CLIP1: variants seen among roughly 807,000 people sequenced by gnomAD.
The protein encoded by CLIP1 is CAP-Gly domain containing linker protein 1, also known as CAP-Gly domain-containing linker protein 1.
Under a neutral mutation model 161.6 loss-of-function variants are expected in CLIP1, and 66 were observed. The ratio of observed to expected loss-of-function variants is 0.41; its 90% CI spans 0.33 to 0.50. The LOEUF is 0.50. CLIP1 is among the 20% of genes least tolerant of loss of function. CLIP1 has a pLI of 0.27. For synonymous variants in CLIP1, 598 were observed against 626.2 expected, an observed-to-expected ratio of 0.96 and a Z score of 0.67; for missense variants, 1,376 against 1,702.0, an observed-to-expected ratio of 0.81 and a Z score of 3.37.
intron 1 of CLIP1, among the ~76,000 whole-genome samples, chr12:122,408,821 ATTGT>A (rs1045507058): frequency 8.7e-5 from 13 of 149,204 alleles, no homozygotes; most frequent in Admixed American, 5.3e-4. Flanking sequence ...TATTTTTTTT[ATTGT>A]TTATTATTTT....
At chr12:122,415,913 A>G (rs4758648) in intron 1 of CLIP1, among the ~76,000 whole-genome samples, 112,694 of 152,020 alleles carry the variant, frequency 0.74, 42,000 homozygotes, top group East Asian at 0.85. Context: ...AGCTATATAC[A>G]CCAATATCAA....
intron 7 of CLIP1, among the ~76,000 whole-genome samples, chr12:122,354,213 G>A (rs1953207095): frequency 6.6e-6 from 1 of 151,898 alleles, no homozygotes; most frequent in Admixed American, 6.6e-5. Flanking sequence ...TAGGCAACAT[G>A]GTGAAACTCC....
chr12:122,381,033 AAAAC>A (rs1001151145), intron 1 of CLIP1, among the ~76,000 whole-genome samples: 4 of 152,282 alleles, frequency 2.6e-5, no homozygotes, highest in East Asian at 3.9e-4. Flanking sequence ...ACCCCAACTC[AAAAC>A]AAACAAACAA....
intron 3 of CLIP1, among the ~76,000 whole-genome samples, chr12:122,368,324 C>G (rs1047876496): frequency 6.6e-6 from 1 of 152,128 alleles, no homozygotes; most frequent in Non-Finnish European, 1.5e-5. Flanking sequence ...TTAAGTACAT[C>G]AAGAGATTTC....
intron 20 of CLIP1, among the ~76,000 whole-genome samples, chr12:122,290,592 G>A (rs1956059115): frequency 6.6e-6 from 1 of 151,918 alleles, no homozygotes; most frequent in East Asian, 1.9e-4. Flanking sequence ...ATATATAAAT[G>A]GACAAAGAGC....
intron 1 of CLIP1, among the ~76,000 whole-genome samples, chr12:122,403,906 A>ATT: frequency 6.6e-6 from 1 of 152,248 alleles, no homozygotes; most frequent in South Asian, 2.1e-4. Flanking sequence ...CCTTGTGCAC[A>ATT]TTTACACAGA....
In CLIP1 at chr12:122,341,229, G is replaced by C; in HGVS notation, c.1975C>G (p.Leu659Val). 6.2e-7 allele frequency: 1 copy of C among 1,613,972 alleles called. No homozygotes were observed. The highest frequency in any genetic ancestry group is 8.5e-7 in the Non-Finnish European group (1 of 1,179,990). ...CTCATTTTCTCTATTTGTGTTTTTA[G>C]TTCAGCAAATTCTGCCGTCTCTGTT... ...LGTETAEFAE[L>V]KTQIEKMRLD... The change falls in exon 11 of 26, where the codon CTA becomes GTA. Residue 659 changes from leucine to valine, a missense_variant. Transcript: ENST00000620786.
intron 2 of CLIP1, among the ~76,000 whole-genome samples, chr12:122,378,858 G>A (rs1160671630): frequency 6.6e-6 from 1 of 152,174 alleles, no homozygotes; most frequent in Admixed American, 6.6e-5. Flanking sequence ...GGGTGCAGTG[G>A]CTCACACCTG....
At position 122,380,504 on chromosome 12, in the gene CLIP1, C is replaced by A; in HGVS notation, c.-52G>T. Reference sequence around the variant, plus strand: ...CCTTTGCCTGTTGCCACTATCTTTCCCCAACCATTGATACAACTGTGGGTT... The same window carrying A: ...CCTTTGCCTGTTGCCACTATCTTTCACCAACCATTGATACAACTGTGGGTT... On this transcript the variant is annotated 5_prime_UTR_variant, in exon 2 of 26. Coordinates refer to ENST00000620786, the MANE Select transcript of CLIP1 (RefSeq NM_001247997.2). 8.6e-7 allele frequency: 1 copy of A among 1,160,220 alleles called. No homozygotes were observed. Among genetic ancestry groups the A allele is most frequent in the Non-Finnish European group, 1.3e-6 (1 of 778,836 alleles). The allele number at this position is 1,160,220 out of a possible 1,614,324, so 71.9% of individuals were successfully genotyped here. A position where few individuals can be genotyped will look rare whatever the true frequency, so the allele number is the denominator to read the frequency against.
At chr12:122,349,351 G>A (rs767138748) in intron 9 of CLIP1, among the ~76,000 whole-genome samples, 13 of 152,198 alleles carry the variant, frequency 8.5e-5, no homozygotes, top group Non-Finnish European at 1.2e-4. Flanking sequence ...TCAGATAAGC[G>A]TAGCCAACGC....
intron 4 of CLIP1, 76 bp downstream of exon 4, chr12:122,363,907 T>C: frequency 6.3e-7 from 1 of 1,593,194 alleles, no homozygotes; most frequent in Non-Finnish European, 8.6e-7. Flanking sequence ...CATGTTATGA[T>C]ACACGCTTGG....
intron 21 of CLIP1, among the ~76,000 whole-genome samples, chr12:122,284,105 C>A (rs1955753865): frequency 6.6e-6 from 1 of 152,060 alleles, no homozygotes; most frequent in South Asian, 2.1e-4. Flanking sequence ...ATCTAAAATC[C>A]ATTTACATTC....
chr12:122,288,339 C>A, intron 21 of CLIP1, 150 bp downstream of exon 21: 1 of 675,914 alleles, frequency 1.5e-6, no homozygotes, highest in South Asian at 2.0e-5. Flanking sequence ...AATGGATTTT[C>A]ATATTTTGTC....
In CLIP1 at chr12:122,335,668, G is replaced by A. The variant is rs1164242049; in HGVS notation, c.2569-963C>T. Among the ~76,000 whole-genome samples the A allele has an allele frequency of 5.9e-5, 9 of 151,954 alleles. No individual in the cohort carries two copies. The East Asian group carries it at 1.4e-3, about 23-fold the overall frequency. On this transcript the variant is annotated intron_variant, in intron 12 of 25. Transcript: ENST00000620786. ...CTAAAAATACAAAAATTAGCCAGTC[G>A]TGGTAACAGGCGCCTGTAATCCCAG...
intron 2 of CLIP1, among the ~76,000 whole-genome samples, chr12:122,378,942 G>A (rs2136808622): frequency 6.6e-6 from 1 of 151,806 alleles, no homozygotes; most frequent in South Asian, 2.1e-4. Context: ...CCTGACCAAT[G>A]TGGAGAAACC....
chr12:122,286,708 A>T (rs1955870507), intron 21 of CLIP1, among the ~76,000 whole-genome samples: 1 of 150,518 alleles, frequency 6.6e-6, no homozygotes, highest in African/African-American at 2.4e-5. Flanking sequence ...TATAAAAAAA[A>T]ATTTTTAAAG....
chr12:122,357,911 C>T (rs1361763804), intron 5 of CLIP1, among the ~76,000 whole-genome samples: 1 of 152,032 alleles, frequency 6.6e-6, no homozygotes, highest in Non-Finnish European at 1.5e-5. Flanking sequence ...AGCCCCTCTG[C>T]CCGGCCACCA....
rs761489215 is a variant in CLIP1, at chr12:122,273,793, G to A, written c.4091+245C>T. 2.6e-5 allele frequency among the ~76,000 whole-genome samples: 4 copies of A among 151,484 alleles called. No individual in the cohort carries two copies. In the East Asian group the frequency reaches 5.9e-4, roughly 22 times the overall value. On this transcript the variant is annotated intron_variant, in intron 25 of 25. Transcript: ENST00000620786. ...GTCACCCAGGTTGGAGTACAGTGGCGCAATCTCGGCTCATTGCAACCTCCA... is the reference window on the plus strand; with the variant it reads ...GTCACCCAGGTTGGAGTACAGTGGCACAATCTCGGCTCATTGCAACCTCCA...
intron 1 of CLIP1, among the ~76,000 whole-genome samples, chr12:122,393,478 G>A (rs1470332854): frequency 6.6e-6 from 1 of 152,008 alleles, no homozygotes; most frequent in Non-Finnish European, 1.5e-5. Context: ...GCAATTTCAA[G>A]TTCTTACAAC....
Sources: gnomAD v4.1 joint callset for allele counts (sites outside exome capture counted in the v4.1 genomes callset) on GRCh38, gnomAD v4.1.1 for gene constraint, MANE v1.5 for transcripts, NCBI Gene and HGNC (gene_info 2026-07-23, HGNC 2026-07-21) for gene names.